Variants in ANGPT4 observed in about 807,000 individuals in gnomAD.
ANGPT4 encodes the protein angiopoietin-4.
A neutral mutation model predicts 53.0 loss-of-function variants in ANGPT4; 50 were observed. The ratio of observed to expected loss-of-function variants is 0.94; its 90% confidence interval spans 0.75 to 1.20. The LOEUF is 1.20. ANGPT4 is among the 50% of genes most tolerant of loss of function. The probability of loss-of-function intolerance (pLI) is 0.00; values close to 1 mark genes in which losing one functional copy is unlikely to be tolerated. For missense variants in ANGPT4, 648 were observed against 637.1 expected (o/e 1.02, Z -0.18); for synonymous variants, 251 against 259.7 (o/e 0.97, Z 0.32).
intron 1 of ANGPT4, among the ~76,000 whole-genome samples, chr20:898,157 G>T (rs1006963160): frequency 6.6e-6 from 1 of 151,478 alleles, no homozygotes. Flanking sequence ...TCTTTTCTAC[G>T]GACTCATCTG....
chr20:881,186 T>G lies in ANGPT4; in HGVS notation c.936A>C (p.Ala312=). The change falls in exon 5 of 9, where the codon GCA becomes GCC. Residue 312 remains alanine (A), a synonymous_variant. Transcript: ENST00000381922. ...GCCCCCTAACCTTCCTGGGCTTCGTTGCATTGGACACCTGGATGGTGTAGA... is the reference window on the plus strand; with the variant it reads ...GCCCCCTAACCTTCCTGGGCTTCGTGGCATTGGACACCTGGATGGTGTAGA... ...SGVYTIQVSN[A]TKPRKVFCDL... is the part of the protein sequence containing the mutation. The G allele has an allele frequency of 6.3e-7, 1 of 1,593,192 alleles. No individual in the cohort carries two copies. The highest frequency in any genetic ancestry group is 8.6e-7 in the Non-Finnish European group (1 of 1,169,406).
chr20:906,802 G>A (rs1349771715), intron 1 of ANGPT4, among the ~76,000 whole-genome samples: 2 of 152,230 alleles, frequency 1.3e-5, no homozygotes, highest in African/African-American at 4.8e-5. Flanking sequence ...CTCTCTGCAA[G>A]ACATACTATT....
chr20:909,748 G>C (rs1568860042), intron 1 of ANGPT4, among the ~76,000 whole-genome samples: 1 of 152,210 alleles, frequency 6.6e-6, no homozygotes, highest in Non-Finnish European at 1.5e-5. Flanking sequence ...GTGGAGCTGG[G>C]ATTCAGACTG....
rs1253956926 is a variant in ANGPT4, at chr20:873,273, G to T, written c.1352-153C>A. 2.6e-5 allele frequency among the ~76,000 whole-genome samples: 4 copies of T among 152,090 alleles called. No individual in the cohort carries two copies. The South Asian group carries it at 8.3e-4, about 32-fold the overall frequency. On this transcript the variant is annotated intron_variant, in intron 8 of 8. Coordinates refer to ENST00000381922, the MANE Select transcript of ANGPT4 (RefSeq NM_015985.4). ...GCTGGGGATGGGGCTGGGTGGGAGT[G>T]GGGGTGGGGTGGACAACAGACCCTC... is the stretch of plus-strand genomic sequence containing the variant.
At chr20:888,902 G>C (rs113047140) in intron 2 of ANGPT4, among the ~76,000 whole-genome samples, 1,724 of 152,270 alleles carry the variant, frequency 0.011, 33 homozygotes, top group African/African-American at 0.04. Flanking sequence ...CTCATGTAGC[G>C]GAAATGCCCC....
chr20:874,496 C>CTT, intron 7 of ANGPT4, 82 bp from the exon 8 acceptor site: 1 of 1,568,142 alleles, frequency 6.4e-7, no homozygotes, highest in African/African-American at 1.4e-5. Flanking sequence ...TCCCCAGTGG[C>CTT]TTTGTCCCAG....
chr20:874,143 T>A (rs894572014), intron 8 of ANGPT4, 141 bp downstream of exon 8: 1 of 1,273,258 alleles, frequency 7.9e-7, no homozygotes, highest in African/African-American at 1.5e-5. Flanking sequence ...CACAGCCAGG[T>A]GAGCTTATGG....
chr20:886,910 G>A (rs1404481003), intron 3 of ANGPT4, among the ~76,000 whole-genome samples: 1 of 152,208 alleles, frequency 6.6e-6, no homozygotes, highest in Admixed American at 6.5e-5. Flanking sequence ...TCAGCTTATA[G>A]GATGTCAGCT....
rs755842820 is a variant in ANGPT4, at chr20:878,956, CA to C, written c.1054-630del. Among the ~76,000 whole-genome samples the C allele has an allele frequency of 3.5e-4, 53 of 152,262 alleles. No homozygotes were observed. The East Asian group carries it at 3.9e-3, about 11-fold the overall frequency. On this transcript the variant is annotated intron_variant, in intron 6 of 8. Transcript: ENST00000381922. ...TCAGCACCAAGGACAGGGGCACACC[CA>C]AGGCCCGCTCCCCAATTTAGTCACG...
Position 878,335 on chromosome 20 carries a change from G to C in ANGPT4, c.1054-8C>G. Reference sequence around the variant, plus strand: ...AGCTGGGTCTCCGAAGCCCTATAGGGAGGGGAGCGTGGGGTGAGACTCATG... The same window carrying C: ...AGCTGGGTCTCCGAAGCCCTATAGGCAGGGGAGCGTGGGGTGAGACTCATG... On this transcript the variant is annotated splice_region_variant and splice_polypyrimidine_tract_variant and intron_variant, in intron 6 of 8. Coordinates refer to ENST00000381922, the MANE Select transcript of ANGPT4 (RefSeq NM_015985.4). 6.3e-7 allele frequency: 1 copy of C among 1,593,198 alleles called. No individual in the cohort carries two copies.
Position 916,106 on chromosome 20 carries a change from C to T in ANGPT4, c.109G>A (p.Val37Ile). Reference protein sequence around the residue: ...QEADRGCETLVVQHGHCSYTF... With the variant: ...QEADRGCETLIVQHGHCSYTF... The stretch of plus-strand genomic sequence containing the variant: ...TAGCTACAGTGGCCGTGCTGGACTA[C>T]AAGTGTCTCGCAGCCCCTATCCGCC... Residue 37 changes from valine to isoleucine, a missense_variant, in exon 1 of 9, where the codon GTA becomes ATA. Physicochemically the swap from Val to Ile is conservative, Grantham distance 29 (BLOSUM62 3). Transcript: ENST00000381922. The T allele has an allele frequency of 6.2e-7, 1 of 1,614,200 alleles. No individual in the cohort carries two copies. The highest frequency in any genetic ancestry group is 1.3e-5 in the African/African-American group (1 of 75,064).
At chr20:891,809 G>T (rs552144148) in intron 1 of ANGPT4, among the ~76,000 whole-genome samples, 1 of 152,314 alleles carries the variant, frequency 6.6e-6, no homozygotes, top group South Asian at 2.1e-4. Flanking sequence ...ATCCTGGAGC[G>T]GGTGCTTGTG....
intron 5 of ANGPT4, among the ~76,000 whole-genome samples, chr20:880,694 C>T (rs566120345): frequency 1.3e-5 from 2 of 152,316 alleles, no homozygotes; most frequent in Non-Finnish European, 1.5e-5. Flanking sequence ...TGTCACCCTT[C>T]TTATCGGATG....
chr20:881,414 A>G, intron 4 of ANGPT4, 128 bp from the exon 5 acceptor site: 1 of 759,736 alleles, frequency 1.3e-6, no homozygotes, highest in Non-Finnish European at 2.3e-6. Context: ...GAGATGAGTC[A>G]GACCTGGGAA....
chr20:888,999 A>G (rs540570164), intron 2 of ANGPT4, among the ~76,000 whole-genome samples: 21 of 151,850 alleles, frequency 1.4e-4, no homozygotes, highest in Non-Finnish European at 2.9e-4. Flanking sequence ...CCTCCTGGTC[A>G]CTCCAGCATA....
In ANGPT4 at chr20:878,319, T is replaced by C. The variant is rs1276383305; in HGVS notation, c.1062A>G (p.Gly354=). The C allele has an allele frequency of 6.2e-7, 1 of 1,604,554 alleles. No homozygotes were observed. Among genetic ancestry groups the C allele is most frequent in the Non-Finnish European group, 8.5e-7 (1 of 1,172,412 alleles). ...RNWKDYKQGF[G]DPAGEHWLGN... Reference sequence around the variant, plus strand: ...CCAGCCAGTGCTCCCCAGCTGGGTCTCCGAAGCCCTATAGGGAGGGGAGCG... The same window carrying C: ...CCAGCCAGTGCTCCCCAGCTGGGTCCCCGAAGCCCTATAGGGAGGGGAGCG... The change falls in exon 7 of 9, where the codon GGA becomes GGG. Residue 354 remains glycine, a synonymous_variant. Coordinates refer to ENST00000381922, the MANE Select transcript of ANGPT4 (RefSeq NM_015985.4).
chr20:909,042 T>C (rs899289494), intron 1 of ANGPT4, among the ~76,000 whole-genome samples: 2 of 152,100 alleles, frequency 1.3e-5, no homozygotes, highest in Admixed American at 1.3e-4. Context: ...GTGGTCTGTG[T>C]AGTGGTTAAG....
At chr20:915,870 G>A (rs369518796) in intron 1 of ANGPT4, 36 bp downstream of exon 1, 66 of 1,525,908 alleles carry the variant, frequency 4.3e-5, no homozygotes, top group African/African-American at 3.7e-4. Flanking sequence ...CCCCAAAGCC[G>A]CCCTCTGCCC....
chr20:895,747 C>T (rs1292897645), intron 1 of ANGPT4, among the ~76,000 whole-genome samples: 1 of 152,184 alleles, frequency 6.6e-6, no homozygotes, highest in Admixed American at 6.5e-5. Flanking sequence ...AAGGAAAGAA[C>T]CATTGATGTG....
Sources: allele counts gnomAD v4.1 joint callset (sites outside exome capture counted in the v4.1 genomes callset), GRCh38; gene constraint gnomAD v4.1.1; transcripts MANE v1.5; gene names NCBI Gene and HGNC (gene_info 2026-07-23, HGNC 2026-07-21).